The following SLC34A1 variants were observed in gnomAD, a reference collection of about 807,000 sequenced individuals.
SLC34A1 encodes the protein sodium-dependent phosphate transport protein 2A.
In SLC34A1, 57 loss-of-function variants were observed where a neutral mutation model predicts 51.4. The observed-to-expected ratio is 1.11, with a 90% CI of 0.90 to 1.38. SLC34A1 has a LOEUF of 1.38. Among genes scored for constraint, SLC34A1 ranks in the 40% most tolerant of loss-of-function variants. The probability of loss-of-function intolerance (pLI) is 0.00; values close to 1 mark genes in which losing one functional copy is unlikely to be tolerated. For missense variants in SLC34A1, 796 were observed against 835.6 expected, an observed-to-expected ratio of 0.95 and a Z score of 0.58; for synonymous variants, 368 against 358.0, an observed-to-expected ratio of 1.03 and a Z score of -0.32.
At chr5:177,393,847 G>C in intron 9 of SLC34A1, 84 bp downstream of exon 9, 2 of 1,517,194 alleles carry the variant, frequency 1.3e-6, no homozygotes, top group Non-Finnish European at 1.8e-6. Flanking sequence ...AGCCACTATT[G>C]TGTCCAGCCC....
At chr5:177,393,822 A>G in intron 9 of SLC34A1, 59 bp downstream of exon 9, 1 of 1,566,990 alleles carries the variant, frequency 6.4e-7, no homozygotes, top group Non-Finnish European at 8.8e-7. Flanking sequence ...TAGCAGTGGC[A>G]GGGCAATCCC....
chr5:177,398,048 T>G lies in SLC34A1; in HGVS notation c.1682T>G (p.Leu561Arg). 1 of 1,614,098 alleles carries G rather than the reference T, an allele frequency of 6.2e-7. No individual in the cohort carries two copies. The highest frequency in any genetic ancestry group is 1.1e-5 in the South Asian group (1 of 91,088). Residue 561 changes from leucine (L) to arginine (R), a missense_variant, in exon 13 of 13, where the codon CTG becomes CGG. Transcript: ENST00000324417. This position sits in a 1 kb window ranked among gnomAD's most constrained non-coding sequence, Gnocchi z 4.7. ...GCCTTCGTGGTGCTCATCAATGTCC[T>G]GCAGAGTCGGAGTCCCGGGCACCTG... ...LLAFVVLINV[L>R]QSRSPGHLPK...
intron 8 of SLC34A1, among the ~76,000 whole-genome samples, chr5:177,391,411 G>A (rs764620304): frequency 6.6e-6 from 1 of 152,298 alleles, no homozygotes; most frequent in East Asian, 1.9e-4. Flanking sequence ...CCTAAGTTGG[G>A]ACCCCAGTAA....
rs767083718 is a variant in SLC34A1 at position 177,388,209 on chromosome 5, T to C, written c.840+20T>C. On this transcript the variant is annotated intron_variant, in intron 7 of 12. Transcript: ENST00000324417. The surrounding 1 kb of genome is among the most constrained non-coding windows in gnomAD (Gnocchi z 4.3). ...ATCCAGGTGACAGCAGGGCCTGGCA[T>C]GGGGTGAGGGTGGGGGTAACAAGGG... is the stretch of plus-strand genomic sequence containing the variant. The C allele has an allele frequency of 5.0e-6, 8 of 1,613,910 alleles. No individual in the cohort carries two copies. Among genetic ancestry groups the C allele is most frequent in the Non-Finnish European group, 6.8e-6 (8 of 1,179,972 alleles).
Position 177,397,779 on chromosome 5 carries a change from G to T in SLC34A1, c.1417-4G>T. ...TCTCAGCCCCTCTGCCTCATCCCCT[G>T]CAGATTGCCCTCTGTCACTTCTTCT... On this transcript the variant is annotated splice_polypyrimidine_tract_variant and splice_region_variant and intron_variant, in intron 12 of 12. Transcript: ENST00000324417. 1 of 1,607,846 alleles carries T rather than the reference G, an allele frequency of 6.2e-7. No homozygotes were observed.
intron 1 of SLC34A1, 63 bp downstream of exon 1, chr5:177,384,550 C>T (rs1762492360): frequency 6.6e-6 from 1 of 152,248 alleles, no homozygotes; most frequent in Admixed American, 6.5e-5. Flanking sequence ...CAGCCCAGCA[C>T]CCCAGCCCCT....
intron 8 of SLC34A1, chr5:177,389,910 T>TA: frequency 7.0e-7 from 1 of 1,431,110 alleles, no homozygotes; most frequent in East Asian, 2.5e-5. Context: ...ATGCTTTCCT[T>TA]AAACGCTTTC....
chr5:177,384,776 C>T lies in SLC34A1; in HGVS notation c.-48+289C>T, dbSNP rs530975193. Among the ~76,000 whole-genome samples, 8 of 151,520 alleles carry T rather than the reference C, an allele frequency of 5.3e-5. No individual in the cohort carries two copies. The South Asian group carries it at 1.3e-3, about 24-fold the overall frequency. ...ACTTGGGAGGCTGAGGCAGGAGAAT[C>T]GCTTGAACCCACGAGGCAGAGGTTG... On this transcript the variant is annotated intron_variant, in intron 1 of 12. Transcript: ENST00000324417.
intron 8 of SLC34A1, chr5:177,389,816 T>C: frequency 2.0e-6 from 3 of 1,522,706 alleles, no homozygotes; most frequent in Non-Finnish European, 2.6e-6. Flanking sequence ...CCAGGTTCAC[T>C]CTGGGGAGGC....
Position 177,388,258 on chromosome 5 carries a change from G to A in SLC34A1, c.841-19G>A, listed in dbSNP as rs748846321. ...GGACCCAGCCTCCTTCACTCCCCCT[G>A]CCCACATCTTGCCCACAGCTGGACG... On this transcript the variant is annotated intron_variant, in intron 7 of 12. Coordinates refer to ENST00000324417, the MANE Select transcript of SLC34A1 (RefSeq NM_003052.5). This position sits in a 1 kb window ranked among gnomAD's most constrained non-coding sequence, Gnocchi z 4.3. The A allele has an allele frequency of 6.2e-7, 1 of 1,614,046 alleles. No individual in the cohort carries two copies. Among genetic ancestry groups the A allele is most frequent in the Non-Finnish European group, 8.5e-7 (1 of 1,179,962 alleles).
intron 8 of SLC34A1, among the ~76,000 whole-genome samples, chr5:177,392,368 C>T (rs920149439): frequency 2.0e-4 from 30 of 152,098 alleles, no homozygotes; most frequent in Non-Finnish European, 7.4e-5. Flanking sequence ...GAGGTGGAAG[C>T]GGGAGAATCG....
chr5:177,388,293 T>G lies in SLC34A1; in HGVS notation c.857T>G (p.Ile286Arg), dbSNP rs775238301. Residue 286 changes from isoleucine to arginine, a missense_variant, in exon 8 of 13, where the codon ATA becomes AGA. Physicochemically the swap from Ile to Arg is moderately conservative, Grantham distance 97 (BLOSUM62 -3). Coordinates refer to ENST00000324417, the MANE Select transcript of SLC34A1 (RefSeq NM_003052.5). This position sits in a 1 kb window ranked among gnomAD's most constrained non-coding sequence, Gnocchi z 4.3. ...TGCCCACAGCTGGACGAGTCTGTGATAACCAGCATTGCCACTGGTGATGAG... is the reference window on the plus strand; with the variant it reads ...TGCCCACAGCTGGACGAGTCTGTGAGAACCAGCATTGCCACTGGTGATGAG... ...KLIIQLDESVITSIATGDESL... is the reference protein window; with the variant it reads ...KLIIQLDESVRTSIATGDESL... The G allele has an allele frequency of 9.9e-6, 16 of 1,614,048 alleles. No homozygotes were observed. In the African/African-American group the frequency reaches 2.0e-4, roughly 20 times the overall value.
At position 177,386,632 on chromosome 5, in the gene SLC34A1, A is replaced by G. The variant is rs1370381698; in HGVS notation, c.532+66A>G. On this transcript the variant is annotated intron_variant, in intron 5 of 12. Transcript: ENST00000324417. The surrounding 1 kb of genome is among the most constrained non-coding windows in gnomAD (Gnocchi z 4.8). ...ACCCCAGGAGCTGGGAAGGGTGGCA[A>G]ATGGGGAGCGTGACCCCAGTAAGGC... 7 of 1,593,404 alleles carry G rather than the reference A, an allele frequency of 4.4e-6. No individual in the cohort carries two copies. The highest frequency in any genetic ancestry group is 5.1e-6 in the Non-Finnish European group (6 of 1,166,924).
rs537343330 is a variant in SLC34A1, at chr5:177,387,832, C to T, written c.603C>T (p.Ile201=). 6 of 1,541,222 alleles carry T rather than the reference C, an allele frequency of 3.9e-6. No individual in the cohort carries two copies. In the East Asian group the frequency reaches 1.3e-4, roughly 33 times the overall value. Residue 201 remains isoleucine (I), a synonymous_variant, in exon 6 of 13, where the codon ATC becomes ATT. Transcript: ENST00000324417. ...TCGGCACCTCTGTCACCAACACCAT[C>T]GTGGCCCTGATGCAGGCGGGGGACA... ...SNIGTSVTNT[I]VALMQAGDRT...
rs1581639326 is a variant in SLC34A1, at chr5:177,388,787, G to A, written c.936+415G>A. ...TCAGTGCTCAAGTTTGAGAACCGCT[G>A]ATCCAGCGCAACCCTTGGGTTTCAC... On this transcript the variant is annotated intron_variant, in intron 8 of 12. Transcript: ENST00000324417. The surrounding 1 kb of genome is among the most constrained non-coding windows in gnomAD (Gnocchi z 4.3). 1.3e-5 allele frequency among the ~76,000 whole-genome samples: 2 copies of A among 152,182 alleles called. No individual in the cohort carries two copies. Among genetic ancestry groups the A allele is most frequent in the Non-Finnish European group, 2.9e-5 (2 of 68,048 alleles).
intron 8 of SLC34A1, chr5:177,389,976 A>G: frequency 7.2e-7 from 1 of 1,382,768 alleles, no homozygotes; most frequent in East Asian, 2.7e-5. Context: ...GTGGGACCCA[A>G]GCTCTCACTT....
Position 177,385,727 on chromosome 5 carries a change from T to G in SLC34A1, c.-15T>G, listed in dbSNP as rs200522178. On this transcript the variant is annotated 5_prime_UTR_variant, in exon 2 of 13. Coordinates refer to ENST00000324417, the MANE Select transcript of SLC34A1 (RefSeq NM_003052.5). ...GAGACCCACTGACCTGCAGACCTCATAGTGGGTGCCCAGGATGTTGTCCTA... is the reference window on the plus strand; with the variant it reads ...GAGACCCACTGACCTGCAGACCTCAGAGTGGGTGCCCAGGATGTTGTCCTA... 8.1e-6 allele frequency: 13 copies of G among 1,598,150 alleles called. No individual in the cohort carries two copies. The highest frequency in any genetic ancestry group is 3.3e-4 in the Middle Eastern group (2 of 6,056).
At chr5:177,384,926 C>T (rs1026077493) in intron 1 of SLC34A1, among the ~76,000 whole-genome samples, 8 of 151,730 alleles carry the variant, frequency 5.3e-5, no homozygotes, top group Non-Finnish European at 8.8e-5. Flanking sequence ...CACACCCCTA[C>T]AACAGCCAAG....
chr5:177,398,251 G>A lies in SLC34A1; in HGVS notation c.1885G>A (p.Ala629Thr). 1.3e-6 allele frequency: 2 copies of A among 1,599,538 alleles called. No individual in the cohort carries two copies. Among genetic ancestry groups the A allele is most frequent in the East Asian group, 2.2e-5 (1 of 44,872 alleles). Residue 629 changes from alanine (A) to threonine (T), a missense_variant, in exon 13 of 13, where the codon GCA (alanine) becomes ACA (threonine). Transcript: ENST00000324417. This position sits in a 1 kb window ranked among gnomAD's most constrained non-coding sequence, Gnocchi z 4.7. The stretch of plus-strand genomic sequence containing the variant: ...CCCTGCCACACCCTCCCCCCGTCTT[G>A]CACTGCCTGCTCACCACAATGCCAC... ...LPPATPSPRL[A>T]LPAHHNATRL
Sources: gnomAD v4.1 joint callset for allele counts (sites outside exome capture counted in the v4.1 genomes callset) on GRCh38, gnomAD v4.1.1 for gene constraint, Gnocchi (gnomAD v3.1) non-coding constraint, MANE v1.5 for transcripts, NCBI Gene and HGNC (gene_info 2026-07-23, HGNC 2026-07-21) for gene names.